Variants in MYO3B observed in about 807,000 individuals in gnomAD.
The protein encoded by MYO3B is myosin-IIIb.
MYO3B carries 156 observed loss-of-function variants against 174.6 expected under a neutral mutation model. The observed-to-expected ratio is 0.89, with a 90% CI of 0.78 to 1.02. The LOEUF (loss-of-function observed/expected upper bound fraction) is 1.02. Ranked by LOEUF, MYO3B falls within the 50% of genes least tolerant of loss-of-function variation. MYO3B has a pLI of 0.00. For synonymous variants in MYO3B, 563 were observed against 569.1 expected (o/e 0.99, Z 0.15); for missense variants, 1,632 against 1,639.4 (o/e 1.00, Z 0.08).
intron 7 of MYO3B, among the ~76,000 whole-genome samples, chr2:170,287,994 T>C (rs1345315569): frequency 2.6e-5 from 4 of 152,122 alleles, no homozygotes; most frequent in African/African-American, 9.6e-5. Flanking sequence ...TTCCCCATTG[T>C]ATGTTCTTGG....
intron 23 of MYO3B, among the ~76,000 whole-genome samples, chr2:170,456,121 C>T (rs905355675): frequency 1.3e-5 from 2 of 152,010 alleles, no homozygotes; most frequent in African/African-American, 4.8e-5. Context: ...GTTATATACC[C>T]TTCTTAAGGG....
chr2:170,201,236 C>T (rs1010413867), intron 3 of MYO3B, among the ~76,000 whole-genome samples: 29 of 152,158 alleles, frequency 1.9e-4, no homozygotes, highest in African/African-American at 6.5e-4. Context: ...AAAATAATGA[C>T]AGTATATGAA....
intron 6 of MYO3B, among the ~76,000 whole-genome samples, chr2:170,235,349 A>C (rs1035528286): frequency 2.6e-5 from 4 of 152,248 alleles, no homozygotes; most frequent in Admixed American, 2.6e-4. Flanking sequence ...CAGACTCCTC[A>C]ACCCAATGAC....
At chr2:170,411,582 A>G (rs1417017670) in intron 22 of MYO3B, 2 of 152,242 alleles carry the variant, frequency 1.3e-5, no homozygotes, top group Admixed American at 6.5e-5. Flanking sequence ...GGCGCATGAC[A>G]CTACTGGGGC....
At chr2:170,299,700 T>G (rs773962036) in intron 7 of MYO3B, among the ~76,000 whole-genome samples, 3 of 152,224 alleles carry the variant, frequency 2.0e-5, no homozygotes, top group Non-Finnish European at 4.4e-5. Context: ...AATCGAGCAG[T>G]CTAGCTTTCA....
chr2:170,531,822 TCTGA>T (rs1361250074), intron 30 of MYO3B, among the ~76,000 whole-genome samples: 1 of 152,168 alleles, frequency 6.6e-6, no homozygotes, highest in Non-Finnish European at 1.5e-5. Flanking sequence ...GAGGCTGAGC[TCTGA>T]CTTACAATAA....
intron 32 of MYO3B, chr2:170,641,503 G>A (rs542766623): frequency 6.6e-6 from 1 of 152,210 alleles, no homozygotes; most frequent in East Asian, 1.9e-4. Context: ...CAAACTATGA[G>A]TATGTTCCTC....
chr2:170,444,523 C>G (rs6433202), intron 23 of MYO3B, among the ~76,000 whole-genome samples: 147,479 of 152,308 alleles, frequency 0.97, 71,572 homozygotes, highest in East Asian at 1. Context: ...AGGACTGCTT[C>G]GTTAATATTC....
At chr2:170,383,588 C>T (rs1200194809) in intron 11 of MYO3B, 122 bp from the exon 12 acceptor site, 2 of 728,764 alleles carry the variant, frequency 2.7e-6, no homozygotes, top group Non-Finnish European at 2.4e-6. Context: ...GAACCTATAC[C>T]CTACAGTCTT....
intron 8 of MYO3B, among the ~76,000 whole-genome samples, chr2:170,341,725 C>G (rs1262920901): frequency 6.6e-6 from 1 of 152,176 alleles, no homozygotes; most frequent in African/African-American, 2.4e-5. Context: ...AAATGCAACT[C>G]AAATCCTTTC....
intron 23 of MYO3B, among the ~76,000 whole-genome samples, chr2:170,447,657 G>T (rs983202187): frequency 9.2e-5 from 14 of 152,216 alleles, no homozygotes; most frequent in African/African-American, 3.4e-4. Context: ...GTTCATCTTG[G>T]CCACTGCCTA....
At chr2:170,588,344 CAGG>C (rs1693621938) in intron 32 of MYO3B, among the ~76,000 whole-genome samples, 1 of 152,042 alleles carries the variant, frequency 6.6e-6, no homozygotes, top group Admixed American at 6.6e-5. Context: ...GAGGCTGAGG[CAGG>C]AGGATTTCTT....
chr2:170,272,903 T>A (rs1487190477), intron 7 of MYO3B, among the ~76,000 whole-genome samples: 1 of 152,216 alleles, frequency 6.6e-6, no homozygotes, highest in East Asian at 1.9e-4. Flanking sequence ...GAACAGAAAA[T>A]GTATTAGCTT....
At chr2:170,256,683 A>G (rs2093307434) in intron 7 of MYO3B, among the ~76,000 whole-genome samples, 1 of 152,198 alleles carries the variant, frequency 6.6e-6, no homozygotes, top group Non-Finnish European at 1.5e-5. Flanking sequence ...GAGACTACAA[A>G]GCAACCATAT....
At chr2:170,575,720 C>A (rs1257376007) in intron 32 of MYO3B, among the ~76,000 whole-genome samples, 1 of 152,186 alleles carries the variant, frequency 6.6e-6, no homozygotes, top group Non-Finnish European at 1.5e-5. Flanking sequence ...ATAGGCAGTC[C>A]TTACTTTCTT....
intron 18 of MYO3B, 30 bp from the exon 19 acceptor site, chr2:170,402,818 T>C: frequency 6.4e-7 from 1 of 1,574,538 alleles, no homozygotes; most frequent in Non-Finnish European, 8.7e-7. Context: ...TTTCCTCCCC[T>C]AAAGAGTTTT....
chr2:170,482,960 C>T (rs575872149), intron 25 of MYO3B, among the ~76,000 whole-genome samples: 5 of 152,368 alleles, frequency 3.3e-5, no homozygotes, highest in African/African-American at 1.2e-4. Context: ...GACAAAATCC[C>T]AAAACTAATT....
intron 8 of MYO3B, among the ~76,000 whole-genome samples, chr2:170,346,589 T>C (rs2094017984): frequency 6.6e-6 from 1 of 152,212 alleles, no homozygotes; most frequent in African/African-American, 2.4e-5. Context: ...TTCATTTTAT[T>C]TTTTGTTTAA....
chr2:170,490,232 G>A (rs1292281116), intron 25 of MYO3B, among the ~76,000 whole-genome samples: 1 of 151,994 alleles, frequency 6.6e-6, no homozygotes, highest in African/African-American at 2.4e-5. Flanking sequence ...GTTTCACCAT[G>A]TTAGCCAGGA....
Sources: allele counts gnomAD v4.1 joint callset (sites outside exome capture counted in the v4.1 genomes callset), GRCh38; gene constraint gnomAD v4.1.1; transcripts MANE v1.5; gene names NCBI Gene and HGNC (gene_info 2026-07-23, HGNC 2026-07-21).